The following MEIKIN variants were observed in gnomAD, a reference collection of about 807,000 sequenced individuals.
MEIKIN encodes meiotic kinetochore factor.
At chr5:131,923,262 A>G (rs1751536252) in intron 5 of MEIKIN, among the ~76,000 whole-genome samples, 1 of 152,094 alleles carries the variant, frequency 6.6e-6, no homozygotes, top group Non-Finnish European at 1.5e-5. Flanking sequence ...TTCCACTCCC[A>G]GGTGTTTTAG....
intron 6 of MEIKIN, among the ~76,000 whole-genome samples, chr5:131,919,912 C>T (rs73264048): frequency 0.019 from 2,833 of 152,072 alleles, 69 homozygotes; most frequent in African/African-American, 0.059. Context: ...TAAACAAAAC[C>T]AAACAGGAAA....
At chr5:131,854,042 C>T (rs1183293989) in intron 10 of MEIKIN, among the ~76,000 whole-genome samples, 1 of 152,170 alleles carries the variant, frequency 6.6e-6, no homozygotes, top group Admixed American at 6.5e-5. Flanking sequence ...TTTGTACACC[C>T]ATGTTCATAG....
chr5:131,872,801 C>T (rs1190254005), intron 9 of MEIKIN, among the ~76,000 whole-genome samples: 25 of 152,262 alleles, frequency 1.6e-4, no homozygotes, highest in South Asian at 8.3e-4. Flanking sequence ...GCTGATCTCT[C>T]GGCAGAAACT....
At chr5:131,885,002 C>G (rs944891626) in intron 8 of MEIKIN, among the ~76,000 whole-genome samples, 1 of 152,180 alleles carries the variant, frequency 6.6e-6, no homozygotes, top group Non-Finnish European at 1.5e-5. Context: ...AGTGCCAGCT[C>G]AGCCACAGTA....
intron 8 of MEIKIN, among the ~76,000 whole-genome samples, chr5:131,879,844 A>C (rs1006627928): frequency 5.9e-5 from 9 of 152,156 alleles, no homozygotes; most frequent in Non-Finnish European, 8.8e-5. Flanking sequence ...GACTCAATCC[A>C]AGCAACAAGT....
At chr5:131,824,059 T>C (rs1486901486) in intron 11 of MEIKIN, among the ~76,000 whole-genome samples, 3 of 152,216 alleles carry the variant, frequency 2.0e-5, no homozygotes, top group African/African-American at 7.2e-5. Context: ...ACTGAGGGTA[T>C]GGTGATCCAA....
intron 11 of MEIKIN, among the ~76,000 whole-genome samples, chr5:131,837,889 A>G (rs1224140458): frequency 6.6e-6 from 1 of 152,126 alleles, no homozygotes. Context: ...GATTCCTAAT[A>G]CTATACTAAA....
At chr5:131,835,504 T>C (rs989695507) in intron 11 of MEIKIN, among the ~76,000 whole-genome samples, 10 of 152,340 alleles carry the variant, frequency 6.6e-5, no homozygotes, top group Non-Finnish European at 1.3e-4. Flanking sequence ...TTTCAGGTCT[T>C]ACATTTAAGT....
At chr5:131,922,899 A>C (rs1299889096) in intron 5 of MEIKIN, among the ~76,000 whole-genome samples, 1 of 152,010 alleles carries the variant, frequency 6.6e-6, no homozygotes, top group Non-Finnish European at 1.5e-5. Flanking sequence ...ATACACACAC[A>C]CACACTTTTT....
intron 11 of MEIKIN, among the ~76,000 whole-genome samples, chr5:131,837,093 G>A (rs139216793): frequency 1.2e-4 from 19 of 152,270 alleles, no homozygotes; most frequent in Admixed American, 1.2e-3. Context: ...CACATGGCTA[G>A]CCAGTTATCC....
intron 6 of MEIKIN, among the ~76,000 whole-genome samples, chr5:131,921,180 A>G (rs1390028387): frequency 3.3e-5 from 5 of 152,246 alleles, no homozygotes; most frequent in Non-Finnish European, 7.3e-5. Context: ...AGAAAAAAAG[A>G]AAGACTAAAT....
intron 12 of MEIKIN, among the ~76,000 whole-genome samples, chr5:131,813,639 G>A (rs1773043605): frequency 2.0e-5 from 3 of 152,008 alleles, no homozygotes; most frequent in Admixed American, 2.0e-4. Context: ...GTGTTAGCCA[G>A]GACGGTCTCG....
At position 131,917,523 on chromosome 5, in the gene MEIKIN, G is replaced by A. The variant is rs528475756; in HGVS notation, c.599-598C>T. ...GGAGGCTGCAGTGAGCCGAGATTGC[G>A]CCACTGCACTCCAGCCTGGGCAAGA... is the stretch of plus-strand genomic sequence containing the variant. On this transcript the variant is annotated intron_variant, in intron 6 of 12. Transcript: ENST00000442687. 1.1e-3 allele frequency among the ~76,000 whole-genome samples: 160 copies of A among 140,036 alleles called. 1 individual carries two copies. The highest frequency in any genetic ancestry group is 5.6e-4 in the Non-Finnish European group (37 of 66,586). 91.9% of individuals were successfully genotyped at this position (140,036 alleles called of 152,430 possible). A position where few individuals can be genotyped will look rare whatever the true frequency, so the allele number is the denominator to read the frequency against.
At chr5:131,869,342 T>C (rs940090576) in intron 9 of MEIKIN, among the ~76,000 whole-genome samples, 3 of 152,234 alleles carry the variant, frequency 2.0e-5, no homozygotes, top group Non-Finnish European at 4.4e-5. Flanking sequence ...TCGATCTGTT[T>C]GTTTATTCTT....
In MEIKIN at chr5:131,944,771, A is replaced by C; in HGVS notation, c.201-19T>G. 1 of 399,068 alleles carries C rather than the reference A, an allele frequency of 2.5e-6. No homozygotes were observed. Among genetic ancestry groups the C allele is most frequent in the Non-Finnish European group, 4.4e-6 (1 of 226,070 alleles). 24.7% of individuals were successfully genotyped at this position (399,068 alleles called of 1,614,324 possible). ...GCGAGGGCTAACAAAGAGACAACGC[A>C]ATTAGTTTGCACCATCTGGATTTGG... On this transcript the variant is annotated intron_variant, in intron 2 of 12. Transcript: ENST00000442687.
chr5:131,825,256 C>A (rs1287641432), intron 11 of MEIKIN, among the ~76,000 whole-genome samples: 2 of 152,086 alleles, frequency 1.3e-5, no homozygotes, highest in African/African-American at 2.4e-5. Flanking sequence ...TTATAGCACA[C>A]CCCAAACAAA....
At chr5:131,909,266 C>G (rs751038278) in intron 8 of MEIKIN, among the ~76,000 whole-genome samples, 16 of 151,898 alleles carry the variant, frequency 1.1e-4, no homozygotes, top group Non-Finnish European at 2.4e-4. Context: ...TAAATCTATA[C>G]ATCTACACCG....
intron 5 of MEIKIN, among the ~76,000 whole-genome samples, chr5:131,925,321 A>G (rs1237724113): frequency 6.6e-6 from 1 of 152,206 alleles, no homozygotes; most frequent in Admixed American, 6.5e-5. Flanking sequence ...AAAAAATGCC[A>G]TTGAGATTTT....
intron 11 of MEIKIN, among the ~76,000 whole-genome samples, chr5:131,838,819 A>G (rs1307145644): frequency 6.6e-6 from 1 of 151,100 alleles, no homozygotes; most frequent in African/African-American, 2.4e-5. Flanking sequence ...GGATTTGTTG[A>G]TCTTTTGAAT....
Sources: allele counts gnomAD v4.1 joint callset (sites outside exome capture counted in the v4.1 genomes callset), GRCh38; gene constraint gnomAD v4.1.1; transcripts MANE v1.5; gene names NCBI Gene and HGNC (gene_info 2026-07-23, HGNC 2026-07-21).